The following DNAH14 variants were observed in gnomAD, a reference collection of about 807,000 sequenced individuals.
DNAH14 encodes the protein dynein axonemal heavy chain 14, also known as axonemal beta dynein heavy chain 14.
DNAH14 carries 478 observed loss-of-function variants against 520.9 expected under a neutral mutation model. The ratio of observed to expected loss-of-function variants is 0.92; its 90% CI spans 0.85 to 0.99. The LOEUF (loss-of-function observed/expected upper bound fraction) is 0.99, where lower values mean the gene tolerates loss of function less well. DNAH14 is among the 50% of genes least tolerant of loss of function. DNAH14 has a pLI of 0.00. For synonymous variants in DNAH14, 1,581 were observed against 1,757.2 expected, an observed-to-expected ratio of 0.90 and a Z score of 2.51; for missense variants, 4,831 against 5,234.5, an observed-to-expected ratio of 0.92 and a Z score of 2.38.
Position 225,337,481 on chromosome 1 carries a change from G to A in DNAH14, c.10296G>A (p.Gly3432=), listed in dbSNP as rs1412095944. 1.3e-6 allele frequency: 2 copies of A among 1,551,104 alleles called. No individual in the cohort carries two copies. The highest frequency in any genetic ancestry group is 3.9e-5 in the Admixed American group (2 of 51,008). Residue 3432 remains glycine, a synonymous_variant, in exon 67 of 86, where the codon GGG becomes GGA. Coordinates refer to ENST00000682510, the MANE Select transcript of DNAH14 (RefSeq NM_001367479.1). ...KKIENAMKTG[G]SVLLQNLLET... ...TTGAAAATGCTATGAAGACAGGAGG[G>A]AGTGTCCTCCTGCAGGTAAGTGGGC...
chr1:225,387,445 C>T (rs770922616), intron 81 of DNAH14, among the ~76,000 whole-genome samples: 44 of 151,912 alleles, frequency 2.9e-4, no homozygotes, highest in African/African-American at 9.4e-4. Context: ...GGCTGCAAAG[C>T]GAGCGCTTGG....
chr1:225,275,991 A>C lies in DNAH14; in HGVS notation c.8088A>C (p.Arg2696Ser), dbSNP rs1264888291. ...TCTTGGATATAAACAAGACTCATAG[A>C]AAAAAGATTTATCAGAATACCAGTG... ...LDFLDINKTH[R>S]KKIYQNTSDY... The change falls in exon 53 of 86, where the codon AGA (arginine) becomes AGC (serine). Residue 2696 changes from arginine to serine, a missense_variant. Transcript: ENST00000682510. 2 of 418,568 alleles carry C rather than the reference A, an allele frequency of 4.8e-6. No individual in the cohort carries two copies. The highest frequency in any genetic ancestry group is 2.1e-5 in the African/African-American group (1 of 47,550). The allele number at this position is 418,568 out of a possible 1,614,324, so 25.9% of individuals were successfully genotyped here.
At chr1:225,038,983 A>G (rs1364158509) in intron 12 of DNAH14, among the ~76,000 whole-genome samples, 160 bp downstream of exon 12, 2 of 152,148 alleles carry the variant, frequency 1.3e-5, no homozygotes, top group Non-Finnish European at 2.9e-5. Context: ...GTAAAAAGCC[A>G]TATTGACACT....
intron 69 of DNAH14, among the ~76,000 whole-genome samples, chr1:225,344,622 T>C (rs956881278): frequency 5.9e-5 from 9 of 152,216 alleles, no homozygotes; most frequent in African/African-American, 1.9e-4. Context: ...CTTCATCCAG[T>C]CTATCATTGA....
chr1:225,188,756 G>A (rs2085056180), intron 37 of DNAH14, among the ~76,000 whole-genome samples: 2 of 151,902 alleles, frequency 1.3e-5, no homozygotes, highest in Admixed American at 1.3e-4. Flanking sequence ...GAATTGCGTT[G>A]ATCCTGTAGA....
At chr1:225,264,355 A>G in intron 47 of DNAH14, 94 bp downstream of exon 47, 1 of 1,010,434 alleles carries the variant, frequency 9.9e-7, no homozygotes, top group Non-Finnish European at 1.5e-6. Context: ...TCTCAGAATA[A>G]TAATTTCAAT....
chr1:225,145,441 T>G, intron 30 of DNAH14, 62 bp downstream of exon 30: 1 of 1,273,010 alleles, frequency 7.9e-7, no homozygotes, highest in Non-Finnish European at 1.1e-6. Context: ...AAACAATTCA[T>G]TGAAGAATAA....
At chr1:225,052,674 G>A (rs924842646) in intron 17 of DNAH14, among the ~76,000 whole-genome samples, 5 of 152,132 alleles carry the variant, frequency 3.3e-5, no homozygotes, top group African/African-American at 1.2e-4. Context: ...TCTAGAAAAA[G>A]TAGTACCATC....
chr1:224,971,185 T>A (rs2061483359), intron 7 of DNAH14, among the ~76,000 whole-genome samples: 2 of 152,226 alleles, frequency 1.3e-5, no homozygotes. Flanking sequence ...ACAAAGTAGT[T>A]CCAGATTGTT....
intron 8 of DNAH14, among the ~76,000 whole-genome samples, chr1:224,993,299 G>T (rs376383599): frequency 6.6e-6 from 1 of 151,956 alleles, no homozygotes; most frequent in African/African-American, 2.4e-5. Flanking sequence ...AAAATTTTTG[G>T]TAGTGTTCTG....
intron 37 of DNAH14, among the ~76,000 whole-genome samples, chr1:225,186,519 A>G (rs1482760030): frequency 6.6e-6 from 1 of 151,906 alleles, no homozygotes; most frequent in Non-Finnish European, 1.5e-5. Context: ...TTTTAAGTAC[A>G]AAAGTAGTAC....
In DNAH14 at chr1:225,050,325, A is replaced by G. The variant is rs573987548; in HGVS notation, c.2028A>G (p.Arg676=). ...TAATACATTATAAAGAGCAGACCAGATGGCCAGATTGTCACATCCTTTTTG... is the reference window on the plus strand; with the variant it reads ...TAATACATTATAAAGAGCAGACCAGGTGGCCAGATTGTCACATCCTTTTTG... The part of the protein sequence containing the change: ...GSIIHYKEQT[R]WPDCHILFET... The change falls in exon 16 of 86, where the codon AGA becomes AGG. Residue 676 remains arginine, a synonymous_variant. Transcript: ENST00000682510. The G allele has an allele frequency of 7.8e-6, 12 of 1,547,794 alleles. No homozygotes were observed. The highest frequency in any genetic ancestry group is 1.7e-4 in the Middle Eastern group (1 of 5,982).
intron 27 of DNAH14, among the ~76,000 whole-genome samples, chr1:225,130,998 T>C (rs1365226266): frequency 6.6e-6 from 1 of 152,112 alleles, no homozygotes; most frequent in Non-Finnish European, 1.5e-5. Context: ...GTCTGTAGCT[T>C]ACTTTGAAAT....
chr1:225,353,860 A>C lies in DNAH14; in HGVS notation c.11591A>C (p.Lys3864Thr), dbSNP rs1326001239. 22 of 1,307,966 alleles carry C rather than the reference A, an allele frequency of 1.7e-5. No individual in the cohort carries two copies. The highest frequency in any genetic ancestry group is 2.1e-5 in the Admixed American group (1 of 46,840). 81.0% of individuals were successfully genotyped at this position (1,307,966 alleles called of 1,614,324 possible). Residue 3864 changes from lysine to threonine, a missense_variant, in exon 73 of 86, where the codon AAA (lysine) becomes ACA (threonine). Coordinates refer to ENST00000682510, the MANE Select transcript of DNAH14 (RefSeq NM_001367479.1). ...TCNPINFPWE[K>T]LTSFQRLILV... is the part of the protein sequence containing the mutation. ...AATCCTATAAATTTTCCCTGGGAGAAACTCACTTCATTTCAAAGACTTATT... is the reference window on the plus strand; with the variant it reads ...AATCCTATAAATTTTCCCTGGGAGACACTCACTTCATTTCAAAGACTTATT...
chr1:225,149,013 A>T (rs1364189810), intron 31 of DNAH14, among the ~76,000 whole-genome samples: 1 of 152,168 alleles, frequency 6.6e-6, no homozygotes, highest in East Asian at 1.9e-4. Context: ...AGTTTTCATC[A>T]TGAAATCTTG....
chr1:225,397,052 G>A (rs918582811), intron 84 of DNAH14: 2 of 151,504 alleles, frequency 1.3e-5, no homozygotes, highest in Non-Finnish European at 2.9e-5. Flanking sequence ...CTGTTGCCCA[G>A]GCTGGAGTGC....
chr1:225,134,241 G>A (rs975168092), intron 27 of DNAH14, among the ~76,000 whole-genome samples: 4 of 152,062 alleles, frequency 2.6e-5, no homozygotes, highest in African/African-American at 9.7e-5. Context: ...TGATTGCCCT[G>A]GCTGGAACTT....
At chr1:225,335,523 A>C (rs1460052251) in intron 66 of DNAH14, among the ~76,000 whole-genome samples, 1 of 133,286 alleles carries the variant, frequency 7.5e-6, no homozygotes, top group Non-Finnish European at 1.7e-5. Flanking sequence ...ATATGTACAT[A>C]TATACATATG....
chr1:225,232,282 C>T lies in DNAH14; in HGVS notation c.6518+1131C>T, dbSNP rs530926329. Among the ~76,000 whole-genome samples the T allele has an allele frequency of 1.2e-3, 169 of 145,526 alleles. No individual in the cohort carries two copies. The highest frequency in any genetic ancestry group is 4.2e-3 in the East Asian group (20 of 4,764). On this transcript the variant is annotated intron_variant, in intron 42 of 85. Coordinates refer to ENST00000682510, the MANE Select transcript of DNAH14 (RefSeq NM_001367479.1). This position sits in a 1 kb window ranked among gnomAD's most constrained non-coding sequence, Gnocchi z 4.2. Reference sequence around the variant, plus strand: ...ATATAAACTGTGATATATATATATACACACACACACACACACACGTGTATC... The same window carrying T: ...ATATAAACTGTGATATATATATATATACACACACACACACACACGTGTATC...
Sources: allele counts gnomAD v4.1 joint callset (sites outside exome capture counted in the v4.1 genomes callset), GRCh38; gene constraint gnomAD v4.1.1; non-coding constraint Gnocchi (gnomAD v3.1); transcripts MANE v1.5; gene names NCBI Gene and HGNC (gene_info 2026-07-23, HGNC 2026-07-21).